The following POLRMT variants were observed in gnomAD, a reference collection of about 807,000 sequenced individuals.
The protein encoded by POLRMT is RNA polymerase mitochondrial, also known as DNA-directed RNA polymerase, mitochondrial.
POLRMT carries 114 observed loss-of-function variants against 132.2 expected under a neutral mutation model. The ratio of observed to expected loss-of-function variants is 0.86; its 90% CI spans 0.74 to 1.01. POLRMT has a LOEUF of 1.01. Ranked by LOEUF, POLRMT falls within the 50% of genes least tolerant of loss-of-function variation. The pLI is 0.00. For missense variants in POLRMT, 2,003 were observed against 1,729.1 expected, an observed-to-expected ratio of 1.16 and a Z score of -2.81; for synonymous variants, 1,020 against 773.4, an observed-to-expected ratio of 1.32 and a Z score of -5.29.
At chr19:627,148 ATTTTTTT>A (rs869110035) in intron 3 of POLRMT, among the ~76,000 whole-genome samples, 3 of 119,758 alleles carry the variant, frequency 2.5e-5, no homozygotes, top group African/African-American at 6.6e-5. Context: ...GTTTTGGGGC[ATTTTTTT>A]TTTTTTTTTT....
chr19:618,828 G>A, intron 15 of POLRMT, 68 bp from the exon 16 acceptor site: 1 of 1,504,482 alleles, frequency 6.6e-7, no homozygotes, highest in Non-Finnish European at 9.0e-7. Context: ...TTGAGGTGGT[G>A]GTACACTGGG....
intron 10 of POLRMT, 41 bp downstream of exon 10, chr19:621,017 G>T: frequency 9.6e-7 from 1 of 1,043,272 alleles, no homozygotes; most frequent in Non-Finnish European, 1.2e-6. Flanking sequence ...GAGGGCGCGG[G>T]GGTGCCGGGA....
Position 617,428 on chromosome 19 carries a change from G to A in POLRMT, c.3634C>T (p.Pro1212Ser). ...CTGCCCACCCGCCTACCTGGCTTGG[G>A]CACCGCCTGCAGTGTCTCCTTCAGC... ...SQLKETLQAV[P>S]KPGAFDLEQV... The change falls in exon 20 of 21, where the codon CCC becomes TCC. Residue 1212 changes from proline to serine, a missense_variant. Coordinates refer to ENST00000588649, the MANE Select transcript of POLRMT (RefSeq NM_005035.4). 6 of 1,611,940 alleles carry A rather than the reference G, an allele frequency of 3.7e-6. No homozygotes were observed. The highest frequency in any genetic ancestry group is 5.1e-6 in the Non-Finnish European group (6 of 1,179,686).
chr19:620,232 G>A lies in POLRMT; in HGVS notation c.2763+133C>T, dbSNP rs1167034498. ...CGCACGCTCCCGGGAGAGACCAGGA[G>A]CCATGGCTCCCGCACACTCTAGGAC... On this transcript the variant is annotated intron_variant, in intron 11 of 20. Transcript: ENST00000588649. 9.6e-6 allele frequency: 14 copies of A among 1,452,590 alleles called. No individual in the cohort carries two copies. The East Asian group carries it at 2.0e-4, about 21-fold the overall frequency. The allele number at this position is 1,452,590 out of a possible 1,614,324, so 90.0% of individuals were successfully genotyped here.
At chr19:624,582 G>A (rs1190203510) in intron 5 of POLRMT, 137 bp downstream of exon 5, 2 of 993,024 alleles carry the variant, frequency 2.0e-6, no homozygotes, top group Non-Finnish European at 2.9e-6. Flanking sequence ...CTTCTCAGAG[G>A]AGGAAGGGAG....
rs754279298 is a variant in POLRMT, at chr19:617,305, T to G, written c.3662A>C (p.Gln1221Pro). Residue 1221 changes from glutamine to proline, a missense_variant, in exon 21 of 21, where the codon CAG becomes CCG. By Grantham distance (76) the Gln-to-Pro change is moderately conservative (BLOSUM62 -1). Coordinates refer to ENST00000588649, the MANE Select transcript of POLRMT (RefSeq NM_005035.4). ...VPKPGAFDLEQVKRSTYFFS is the reference protein window; with the variant it reads ...VPKPGAFDLEPVKRSTYFFS ...GAAGAAGTAGGTGGAACGCTTCACC[T>G]GCTCCAGGTCGAAGGCCCCTGCGGA... 6.2e-7 allele frequency: 1 copy of G among 1,612,904 alleles called. No homozygotes were observed. Among genetic ancestry groups the G allele is most frequent in the East Asian group, 2.2e-5 (1 of 44,862 alleles).
At chr19:631,643 A>G (rs1177693046) in intron 2 of POLRMT, among the ~76,000 whole-genome samples, 1 of 152,208 alleles carries the variant, frequency 6.6e-6, no homozygotes, top group African/African-American at 2.4e-5. Flanking sequence ...GTCTCAAGAA[A>G]AAAAAAATTG....
intron 17 of POLRMT, 44 bp downstream of exon 17, chr19:618,444 C>A (rs753591708): frequency 1.4e-6 from 2 of 1,468,222 alleles, no homozygotes; most frequent in African/African-American, 2.8e-5. Flanking sequence ...CCAGAAGACG[C>A]CCCTGGGAGG....
At chr19:618,834 C>A in intron 15 of POLRMT, 74 bp from the exon 16 acceptor site, 2 of 1,502,472 alleles carry the variant, frequency 1.3e-6, no homozygotes, top group Non-Finnish European at 1.8e-6. Flanking sequence ...TGGTGGTACA[C>A]TGGGGTAGTG....
Position 622,341 on chromosome 19 carries a change from C to T in POLRMT, c.1659G>A (p.Trp553Ter). 1.9e-6 allele frequency: 3 copies of T among 1,556,860 alleles called. No homozygotes were observed. Among genetic ancestry groups the T allele is most frequent in the Non-Finnish European group, 2.6e-6 (3 of 1,152,610 alleles). Residue 553 changes from tryptophan (W) to a stop codon, truncating the protein, a stop_gained, in exon 9 of 21, where the codon TGG becomes TGA. Coordinates refer to ENST00000588649, the MANE Select transcript of POLRMT (RefSeq NM_005035.4). LOFTEE classifies it high-confidence loss of function. Reference sequence around the variant, plus strand: ...GGGCCTCGGGCGCCCCCAGCTCCTCCCAGTACTGCCGCGGCAGGCAGGGCT... The same window carrying T: ...GGGCCTCGGGCGCCCCCAGCTCCTCTCAGTACTGCCGCGGCAGGCAGGGCT... ...VPEPCLPRQY[W>*]EELGAPEALR...
rs868697454 is a variant in POLRMT, at chr19:620,147, C to T, written c.2764-67G>A. ...CAGAGACGTGTGGGACCCCAAACCA[C>T]CCCCCAGGTCGAGCCGTTCCTAGGG... On this transcript the variant is annotated intron_variant, in intron 11 of 20. Transcript: ENST00000588649. 301 of 1,519,606 alleles carry T rather than the reference C, an allele frequency of 2.0e-4. 1 individual carries two copies. The highest frequency in any genetic ancestry group is 5.5e-5 in the African/African-American group (4 of 72,760). 94.1% of individuals were successfully genotyped at this position (1,519,606 alleles called of 1,614,324 possible).
At position 618,575 on chromosome 19, in the gene POLRMT, G is replaced by A. The variant is rs1320766057; in HGVS notation, c.3335C>T (p.Thr1112Ile). Residue 1112 changes from threonine (T) to isoleucine (I), a missense_variant, in exon 17 of 21, where the codon ACA becomes ATA. Thr to Ile is a moderately conservative substitution (Grantham distance 89). Coordinates refer to ENST00000588649, the MANE Select transcript of POLRMT (RefSeq NM_005035.4). Reference sequence around the variant, plus strand: ...CGGGAAGCCGTTCTTCTGCTTACGTGTGTTGGGCTTTCTGAGGACGGAACA... The same window carrying A: ...CGGGAAGCCGTTCTTCTGCTTACGTATGTTGGGCTTTCTGAGGACGGAACA... ...HNGDISRKPN[T>I]RKQKNGFPPN... 6.2e-6 allele frequency: 10 copies of A among 1,612,878 alleles called. No homozygotes were observed. The highest frequency in any genetic ancestry group is 1.7e-5 in the Admixed American group (1 of 59,964).
rs780465105 is a variant in POLRMT at position 617,668 on chromosome 19, CAG to C, written c.3496-15_3496-14del. The C allele has an allele frequency of 1.6e-5, 26 of 1,612,538 alleles. No individual in the cohort carries two copies. In the East Asian group the frequency reaches 2.2e-4, roughly 14 times the overall value. On this transcript the variant is annotated splice_polypyrimidine_tract_variant and intron_variant, in intron 18 of 20. Coordinates refer to ENST00000588649, the MANE Select transcript of POLRMT (RefSeq NM_005035.4). Reference sequence around the variant, plus strand: ...GCTCCCGGCACACCTGGGCAGGAGTCAGAGGATCCCCAGGGGTGATCAGGCAG... The same window carrying C: ...GCTCCCGGCACACCTGGGCAGGAGTCAGGATCCCCAGGGGTGATCAGGCAG...
At chr19:618,119 A>G in intron 17 of POLRMT, 1 of 567,102 alleles carries the variant, frequency 1.8e-6, no homozygotes, top group South Asian at 2.1e-5. Flanking sequence ...GGCGGCTACG[A>G]GGTCCCCTCC....
chr19:633,362 G>A (rs770815640), intron 1 of POLRMT, 63 bp downstream of exon 1: 8 of 1,414,000 alleles, frequency 5.7e-6, no homozygotes, highest in Middle Eastern at 2.0e-4. Flanking sequence ...AAAGGCCCCG[G>A]CCGCGCGGGG....
At chr19:619,185 C>A in intron 14 of POLRMT, 25 bp downstream of exon 14, 1 of 1,610,622 alleles carries the variant, frequency 6.2e-7, no homozygotes, top group Non-Finnish European at 8.5e-7. Flanking sequence ...GAGTCCTGGC[C>A]GAGCGGGGAC....
intron 3 of POLRMT, among the ~76,000 whole-genome samples, chr19:628,022 G>A (rs756224257): frequency 2.0e-5 from 3 of 152,034 alleles, no homozygotes; most frequent in South Asian, 4.2e-4. Flanking sequence ...ACAATTATCC[G>A]GGGGTGGTGG....
intron 2 of POLRMT, 120 bp from the exon 3 acceptor site, chr19:630,288 G>T: frequency 8.3e-7 from 1 of 1,201,056 alleles, no homozygotes; most frequent in Non-Finnish European, 1.1e-6. Context: ...GACCCAAGGC[G>T]TGAATTCCTC....
Position 622,369 on chromosome 19 carries a change from G to A in POLRMT, c.1631C>T (p.Pro544Leu). Residue 544 changes from proline to leucine, a missense_variant, in exon 9 of 21, where the codon CCC becomes CTC. Transcript: ENST00000588649. ...GTACTGCCGCGGCAGGCAGGGCTCG[G>A]GCACCTGTAGGACAGGGCGGTCAGG... ...LCLLASDAEV[P>L]EPCLPRQYWE... 1 of 1,548,564 alleles carries A rather than the reference G, an allele frequency of 6.5e-7. No individual in the cohort carries two copies. Among genetic ancestry groups the A allele is most frequent in the Non-Finnish European group, 8.7e-7 (1 of 1,148,290 alleles).
Sources: allele counts gnomAD v4.1 joint callset (sites outside exome capture counted in the v4.1 genomes callset), GRCh38; gene constraint gnomAD v4.1.1; transcripts MANE v1.5; gene names NCBI Gene and HGNC (gene_info 2026-07-23, HGNC 2026-07-21).